Variants in SPHKAP observed in about 807,000 individuals in gnomAD.
SPHKAP encodes A-kinase anchor protein SPHKAP.
In SPHKAP, 67 loss-of-function variants were observed where a neutral mutation model predicts 137.5. The ratio of observed to expected loss-of-function variants is 0.49; its 90% confidence interval spans 0.40 to 0.60. The LOEUF (loss-of-function observed/expected upper bound fraction) is 0.60, where lower values mean the gene tolerates loss of function less well. SPHKAP is among the 20% of genes least tolerant of loss of function. SPHKAP has a pLI of 0.00. For synonymous variants in SPHKAP, 813 were observed against 785.3 expected (o/e 1.04, Z -0.59); for missense variants, 2,097 against 2,069.3 (o/e 1.01, Z -0.26).
chr2:228,112,178 A>G (rs1698539752), intron 2 of SPHKAP, among the ~76,000 whole-genome samples: 2 of 152,142 alleles, frequency 1.3e-5, no homozygotes, highest in African/African-American at 2.4e-5. Flanking sequence ...CCCATCAATA[A>G]AACAAAGCAC....
At chr2:228,148,303 C>T (rs1699836567) in intron 1 of SPHKAP, among the ~76,000 whole-genome samples, 1 of 152,184 alleles carries the variant, frequency 6.6e-6, no homozygotes, top group South Asian at 2.1e-4. Flanking sequence ...AGAAAACCAT[C>T]CTCCTTTTGA....
intron 2 of SPHKAP, among the ~76,000 whole-genome samples, chr2:228,119,138 C>CA (rs977978625): frequency 3.9e-5 from 6 of 152,044 alleles, no homozygotes; most frequent in Admixed American, 6.6e-5. Flanking sequence ...AGCAGCCTCC[C>CA]AGGCAGAGAT....
At chr2:228,141,350 G>A (rs1574888576) in intron 1 of SPHKAP, among the ~76,000 whole-genome samples, 1 of 152,150 alleles carries the variant, frequency 6.6e-6, no homozygotes, top group Non-Finnish European at 1.5e-5. Flanking sequence ...GCTATTTCCT[G>A]TAAAGGAGTC....
intron 2 of SPHKAP, among the ~76,000 whole-genome samples, chr2:228,111,750 T>C (rs892666633): frequency 1.3e-5 from 2 of 152,102 alleles, no homozygotes; most frequent in African/African-American, 4.8e-5. Flanking sequence ...AATGAAGACC[T>C]TGAGTCTCAG....
intron 2 of SPHKAP, among the ~76,000 whole-genome samples, chr2:228,117,486 G>A (rs1158331149): frequency 2.6e-5 from 4 of 152,086 alleles, no homozygotes; most frequent in South Asian, 4.1e-4. Context: ...AGAAGACTGC[G>A]ATGTGAGTGG....
intron 5 of SPHKAP, among the ~76,000 whole-genome samples, chr2:228,023,143 T>C (rs1694904369): frequency 6.6e-6 from 1 of 152,214 alleles, no homozygotes; most frequent in Admixed American, 6.5e-5. Context: ...TTATTGCTCA[T>C]TGGAATCGTA....
chr2:228,003,381 T>G (rs1693988947), intron 7 of SPHKAP, among the ~76,000 whole-genome samples: 1 of 152,202 alleles, frequency 6.6e-6, no homozygotes, highest in Admixed American at 6.5e-5. Context: ...TATTGGTGTA[T>G]AAGAATGCTT....
At chr2:228,152,427 C>T (rs946166816) in intron 1 of SPHKAP, among the ~76,000 whole-genome samples, 25 of 152,072 alleles carry the variant, frequency 1.6e-4, no homozygotes, top group Admixed American at 9.2e-4. Context: ...GTTCCTTTTG[C>T]CCAGCTGCAT....
chr2:228,033,751 A>C (rs1275842477), intron 3 of SPHKAP, among the ~76,000 whole-genome samples: 1 of 152,226 alleles, frequency 6.6e-6, no homozygotes, highest in Non-Finnish European at 1.5e-5. Flanking sequence ...AACTACATGG[A>C]AACTGAACAA....
intron 3 of SPHKAP, among the ~76,000 whole-genome samples, chr2:228,079,912 G>A (rs945693673): frequency 6.6e-6 from 1 of 152,252 alleles, no homozygotes; most frequent in South Asian, 2.1e-4. Flanking sequence ...CTCAAACCAC[G>A]CCATGTGCAT....
chr2:228,127,529 A>G (rs1392263230), intron 2 of SPHKAP, among the ~76,000 whole-genome samples: 2 of 152,190 alleles, frequency 1.3e-5, no homozygotes, highest in Admixed American at 1.3e-4. Flanking sequence ...AATGAAATGA[A>G]TGTGCTATAA....
At chr2:227,995,421 G>A in intron 8 of SPHKAP, 88 bp downstream of exon 8, 2 of 1,493,252 alleles carry the variant, frequency 1.3e-6, no homozygotes, top group Non-Finnish European at 1.9e-6. Flanking sequence ...CTCTTTATTA[G>A]GGACCCTTTG....
chr2:228,086,407 C>G (rs1310966619), intron 3 of SPHKAP, among the ~76,000 whole-genome samples: 1 of 152,124 alleles, frequency 6.6e-6, no homozygotes, highest in Non-Finnish European at 1.5e-5. Flanking sequence ...CCTCAGCTCC[C>G]AACCAAGAAT....
intron 3 of SPHKAP, among the ~76,000 whole-genome samples, chr2:228,107,237 T>G (rs1698370505): frequency 6.6e-6 from 1 of 152,134 alleles, no homozygotes; most frequent in Non-Finnish European, 1.5e-5. Flanking sequence ...CTTCTCAACC[T>G]TCCCTGAATC....
chr2:227,990,434 A>C (rs1693372170), intron 11 of SPHKAP, among the ~76,000 whole-genome samples: 1 of 152,220 alleles, frequency 6.6e-6, no homozygotes, highest in Non-Finnish European at 1.5e-5. Context: ...CTAAGATTCT[A>C]CCGCAGTTAA....
intron 7 of SPHKAP, among the ~76,000 whole-genome samples, chr2:228,006,035 G>A (rs984392629): frequency 3.9e-5 from 6 of 152,086 alleles, no homozygotes; most frequent in East Asian, 1.9e-4. Flanking sequence ...TGCTCTTCTC[G>A]AGGAGTATCT....
chr2:228,134,108 G>C (rs1699354590), intron 1 of SPHKAP, among the ~76,000 whole-genome samples: 1 of 126,970 alleles, frequency 7.9e-6, no homozygotes, highest in African/African-American at 3.0e-5. Context: ...AAGGAAGGAA[G>C]GAAGGGAGAG....
chr2:227,992,464 G>C (rs934516381), intron 9 of SPHKAP, among the ~76,000 whole-genome samples: 1 of 152,106 alleles, frequency 6.6e-6, no homozygotes, highest in African/African-American at 2.4e-5. Context: ...TCAGAATACA[G>C]ATTTTCCCTG....
chr2:228,111,780 C>G (rs1012342520), intron 2 of SPHKAP, among the ~76,000 whole-genome samples: 4 of 151,958 alleles, frequency 2.6e-5, no homozygotes, highest in African/African-American at 9.7e-5. Context: ...AATTTCTGCC[C>G]CAAATTGTTC....
Sources: gnomAD v4.1 joint callset for allele counts (sites outside exome capture counted in the v4.1 genomes callset) on GRCh38, gnomAD v4.1.1 for gene constraint, MANE v1.5 for transcripts, NCBI Gene and HGNC (gene_info 2026-07-23, HGNC 2026-07-21) for gene names.